The following TNNI3K variants were observed in gnomAD, a reference collection of about 807,000 sequenced individuals.
TNNI3K encodes the protein serine/threonine-protein kinase TNNI3K.
A neutral mutation model predicts 114.5 loss-of-function variants in TNNI3K; 140 were observed. The observed-to-expected ratio is 1.22, with a 90% CI of 1.07 to 1.41. The LOEUF (loss-of-function observed/expected upper bound fraction) is 1.41, where lower values mean the gene tolerates loss of function less well. Among genes scored for constraint, TNNI3K ranks in the 40% most tolerant of loss-of-function variants. The pLI is 0.00. For synonymous variants in TNNI3K, 347 were observed against 347.5 expected, an observed-to-expected ratio of 1.00 and a Z score of 0.02; for missense variants, 1,125 against 1,007.6, an observed-to-expected ratio of 1.12 and a Z score of -1.58.
chr1:74,240,106 G>A (rs2100827101), intron 2 of TNNI3K: 1 of 310,904 alleles, frequency 3.2e-6, no homozygotes, highest in South Asian at 3.0e-5. Flanking sequence ...TTACTACATG[G>A]TGTTGTTTTT....
At chr1:74,386,661 A>G (rs887691046) in intron 17 of TNNI3K, among the ~76,000 whole-genome samples, 2 of 152,212 alleles carry the variant, frequency 1.3e-5, no homozygotes, top group African/African-American at 4.8e-5. Flanking sequence ...AAAATTATAT[A>G]TCAAATAACT....
chr1:74,447,086 T>C (rs1666730503), intron 20 of TNNI3K, among the ~76,000 whole-genome samples: 1 of 151,026 alleles, frequency 6.6e-6, no homozygotes, highest in Non-Finnish European at 1.5e-5. Context: ...AGAAAGTCAT[T>C]GGTAGCTTGA....
chr1:74,540,384 G>A (rs1260952486), intron 24 of TNNI3K, 71 bp downstream of exon 24: 9 of 1,449,362 alleles, frequency 6.2e-6, no homozygotes, highest in Non-Finnish European at 7.6e-6. Context: ...TTGACAAAAA[G>A]GGAGAAAGCA....
intron 5 of TNNI3K, among the ~76,000 whole-genome samples, chr1:74,323,255 A>G (rs1392547518): frequency 6.6e-6 from 1 of 152,178 alleles, no homozygotes; most frequent in Non-Finnish European, 1.5e-5. Context: ...ACATAAGACA[A>G]AAAGCAGCAT....
At chr1:74,489,543 C>T (rs1484052534) in intron 22 of TNNI3K, among the ~76,000 whole-genome samples, 6 of 152,124 alleles carry the variant, frequency 3.9e-5, no homozygotes, top group Non-Finnish European at 7.4e-5. Context: ...ATAACAAATA[C>T]ATTAGAAGGT....
At chr1:74,431,527 CAG>C (rs777539620) in intron 17 of TNNI3K, among the ~76,000 whole-genome samples, 15 of 152,168 alleles carry the variant, frequency 9.9e-5, no homozygotes, top group Middle Eastern at 3.4e-3. Flanking sequence ...GCCTTCGCAG[CAG>C]AGATAGTAAA....
intron 23 of TNNI3K, among the ~76,000 whole-genome samples, chr1:74,532,037 G>A (rs1471313019): frequency 1.3e-5 from 2 of 152,184 alleles, no homozygotes; most frequent in South Asian, 4.1e-4. Flanking sequence ...GTTGCCTGAA[G>A]TCTTTAATCA....
At chr1:74,314,059 ATATATATATATATATATATATG>A (rs199749039) in intron 5 of TNNI3K, among the ~76,000 whole-genome samples, 42,158 of 83,706 alleles carry the variant, frequency 0.5, 7,692 homozygotes, top group Middle Eastern at 0.6. Flanking sequence ...ATATATATAT[ATATATATATATATATATATATG>A]TATATATATG....
intron 17 of TNNI3K, among the ~76,000 whole-genome samples, chr1:74,382,557 G>A (rs891028774): frequency 3.3e-5 from 5 of 152,154 alleles, no homozygotes; most frequent in African/African-American, 1.2e-4. Context: ...AAATGATGTG[G>A]GAAACAGCAT....
At chr1:74,352,789 G>T (rs1661433629) in intron 9 of TNNI3K, among the ~76,000 whole-genome samples, 1 of 152,208 alleles carries the variant, frequency 6.6e-6, no homozygotes. Flanking sequence ...GTAATCTCCT[G>T]GTGTGCCGTT....
chr1:74,365,377 A>G (rs1001515289), intron 11 of TNNI3K, among the ~76,000 whole-genome samples: 3 of 152,060 alleles, frequency 2.0e-5, no homozygotes, highest in Non-Finnish European at 4.4e-5. Flanking sequence ...ATTGCTGATG[A>G]GCATCACCTG....
chr1:74,478,204 CAG>C (rs563798065), intron 21 of TNNI3K, among the ~76,000 whole-genome samples: 76 of 152,212 alleles, frequency 5.0e-4, no homozygotes, highest in African/African-American at 7.2e-4. Context: ...CATCAAAAAT[CAG>C]AGTCTTTTTA....
rs530385454 is a variant in TNNI3K, at chr1:74,340,383, A to C, written c.683-2459A>C. Among the ~76,000 whole-genome samples, 5 of 152,274 alleles carry C rather than the reference A, an allele frequency of 3.3e-5. No individual in the cohort carries two copies. In the East Asian group the frequency reaches 9.6e-4, roughly 29 times the overall value. ...CAAATAGAATGTTATTCATGCATTC[A>C]ATTTTTCTAAGATATAATAATATAT... On this transcript the variant is annotated intron_variant, in intron 7 of 24. Coordinates refer to ENST00000326637, the MANE Select transcript of TNNI3K (RefSeq NM_015978.3).
intron 20 of TNNI3K, among the ~76,000 whole-genome samples, chr1:74,445,215 T>C (rs977489056): frequency 7.1e-5 from 5 of 70,030 alleles, no homozygotes; most frequent in African/African-American, 9.7e-5. Flanking sequence ...TTTTTTTTTT[T>C]TCTTTCTTTT....
At position 74,421,171 on chromosome 1, in the gene TNNI3K, T is replaced by C. The variant is rs1665376690; in HGVS notation, c.1773-14909T>C. Among the ~76,000 whole-genome samples the C allele has an allele frequency of 2.0e-5, 3 of 152,144 alleles. No individual in the cohort carries two copies. The South Asian group carries it at 6.2e-4, about 31-fold the overall frequency. ...TGAAGTTTAAAGGCTCTTCCTGATA[T>C]TTGACAAGCCCCAGAACACTGCCAG... On this transcript the variant is annotated intron_variant, in intron 17 of 24. Transcript: ENST00000326637.
At chr1:74,405,813 G>A (rs45574038) in intron 17 of TNNI3K, among the ~76,000 whole-genome samples, 1,909 of 152,276 alleles carry the variant, frequency 0.013, 34 homozygotes, top group African/African-American at 0.044. Flanking sequence ...TTATTCTCTT[G>A]TGATTTTCAA....
intron 4 of TNNI3K, among the ~76,000 whole-genome samples, chr1:74,262,133 AAAGT>A (rs1383210337): frequency 6.6e-6 from 1 of 152,074 alleles, no homozygotes; most frequent in Non-Finnish European, 1.5e-5. Context: ...CTAAAGACCC[AAAGT>A]AAGTGTTTCA....
At chr1:74,240,023 G>A (rs1654090329) in intron 2 of TNNI3K, 1 of 466,280 alleles carries the variant, frequency 2.1e-6, no homozygotes, top group Non-Finnish European at 4.4e-6. Context: ...AGACAGAAAG[G>A]GCACCTTAGA....
At chr1:74,362,236 A>G (rs879940867) in intron 11 of TNNI3K, among the ~76,000 whole-genome samples, 11 of 152,138 alleles carry the variant, frequency 7.2e-5, no homozygotes, top group Non-Finnish European at 1.2e-4. Context: ...GGAAGGGGAT[A>G]TATTAAAATA....
Sources: allele counts gnomAD v4.1 joint callset (sites outside exome capture counted in the v4.1 genomes callset), GRCh38; gene constraint gnomAD v4.1.1; transcripts MANE v1.5; gene names NCBI Gene and HGNC (gene_info 2026-07-23, HGNC 2026-07-21).